Variants in DAB1 observed in about 807,000 individuals in gnomAD.
DAB1 encodes the protein disabled homolog 1.
A neutral mutation model predicts 64.6 loss-of-function variants in DAB1; 15 were observed. That is an observed-to-expected ratio of 0.23 (90% CI 0.16 to 0.36). The LOEUF is 0.36. Among genes scored for constraint, DAB1 ranks in the 10% least tolerant of loss-of-function variants. DAB1 has a pLI of 1.00. For synonymous variants in DAB1, 235 were observed against 251.9 expected (o/e 0.93, Z 0.64); for missense variants, 596 against 706.7 (o/e 0.84, Z 1.78).
intron 7 of DAB1, among the ~76,000 whole-genome samples, chr1:57,493,797 G>A (rs963062299): frequency 2.9e-5 from 4 of 138,236 alleles, no homozygotes; most frequent in Non-Finnish European, 1.5e-5. Context: ...CACATTGACT[G>A]ACATTGCTTT....
intron 4 of DAB1, among the ~76,000 whole-genome samples, chr1:58,339,452 T>A (rs1402047776): frequency 6.6e-6 from 1 of 152,150 alleles, no homozygotes; most frequent in Admixed American, 6.5e-5. Flanking sequence ...TCATATTATG[T>A]TACAAGGTGA....
intron 5 of DAB1, among the ~76,000 whole-genome samples, chr1:58,084,137 A>G (rs770247594): frequency 6.6e-6 from 1 of 152,156 alleles, no homozygotes; most frequent in Non-Finnish European, 1.5e-5. Flanking sequence ...TAAAATCTTG[A>G]GCTTTTTAAA....
chr1:58,039,362 C>T (rs984701332), intron 5 of DAB1, among the ~76,000 whole-genome samples: 42 of 152,118 alleles, frequency 2.8e-4, no homozygotes, highest in Admixed American at 9.2e-4. Context: ...TTCCTTCCCA[C>T]AGAAACCACA....
chr1:57,078,740 T>C (rs6677976), intron 4 of DAB1, among the ~76,000 whole-genome samples: 1,931 of 152,252 alleles, frequency 0.013, 32 homozygotes, highest in African/African-American at 0.044. Flanking sequence ...TTGGTGGAAG[T>C]GTGATTTGGT....
At chr1:57,314,306 A>C (rs1241942825) in intron 1 of DAB1, among the ~76,000 whole-genome samples, 1 of 152,222 alleles carries the variant, frequency 6.6e-6, no homozygotes, top group Non-Finnish European at 1.5e-5. Flanking sequence ...TTTTTGAAAA[A>C]CATCAAAATA....
At chr1:57,598,258 A>G (rs1185727325) in intron 7 of DAB1, among the ~76,000 whole-genome samples, 1 of 152,214 alleles carries the variant, frequency 6.6e-6, no homozygotes. Context: ...CTGGGATTAC[A>G]GGCGTGAGCC....
intron 1 of DAB1, among the ~76,000 whole-genome samples, chr1:57,418,355 G>A (rs12735312): frequency 0.013 from 1,985 of 152,324 alleles, 22 homozygotes; most frequent in African/African-American, 0.021. Context: ...GAAAGACAGA[G>A]ACAGAGAAAG....
intron 4 of DAB1, among the ~76,000 whole-genome samples, chr1:58,296,241 G>GA (rs1202873846): frequency 6.6e-6 from 1 of 150,758 alleles, no homozygotes; most frequent in Non-Finnish European, 1.5e-5. Context: ...AAGAAAGAAA[G>GA]AAAGAAAGAA....
At chr1:58,157,483 C>T (rs893358505) in intron 4 of DAB1, among the ~76,000 whole-genome samples, 2 of 152,186 alleles carry the variant, frequency 1.3e-5, no homozygotes, top group African/African-American at 4.8e-5. Flanking sequence ...TCTGTGGCTT[C>T]CTCATCTGTG....
At chr1:57,746,321 C>T (rs1341425948) in intron 6 of DAB1, among the ~76,000 whole-genome samples, 1 of 152,112 alleles carries the variant, frequency 6.6e-6, no homozygotes, top group Non-Finnish European at 1.5e-5. Flanking sequence ...TATATTTCTT[C>T]ATTTTTTTTC....
intron 5 of DAB1, among the ~76,000 whole-genome samples, chr1:58,008,915 G>A (rs1451998052): frequency 6.6e-6 from 1 of 152,134 alleles, no homozygotes; most frequent in Admixed American, 6.6e-5. Context: ...TCTGGTGCTT[G>A]CTCATTTTCA....
intron 5 of DAB1, among the ~76,000 whole-genome samples, chr1:58,135,583 T>C (rs986746559): frequency 4.6e-5 from 7 of 152,142 alleles, no homozygotes; most frequent in Admixed American, 3.3e-4. Context: ...CATGTGTAAG[T>C]TTGTTACCTG....
chr1:57,111,328 C>A (rs1383141047), intron 4 of DAB1, among the ~76,000 whole-genome samples: 2 of 152,132 alleles, frequency 1.3e-5, no homozygotes, highest in Non-Finnish European at 2.9e-5. Context: ...ACTCTTAGAG[C>A]CGGCTGTAAC....
At chr1:57,823,295 A>AAAAAG (rs1652204296), downstream of DAB1, among the ~76,000 whole-genome samples, 1 of 152,078 alleles carries the variant, frequency 6.6e-6, no homozygotes, top group South Asian at 2.1e-4. Flanking sequence ...AAAAATTTTT[A>AAAAAG]AAAAGAAAAG....
chr1:58,059,028 G>T (rs1648323788), intron 5 of DAB1, among the ~76,000 whole-genome samples: 1 of 152,222 alleles, frequency 6.6e-6, no homozygotes, highest in South Asian at 2.1e-4. Flanking sequence ...ACAGAGGAAA[G>T]TGAGGACTGT....
intron 6 of DAB1, among the ~76,000 whole-genome samples, chr1:57,703,895 A>G (rs1401980529): frequency 6.6e-6 from 1 of 152,188 alleles, no homozygotes; most frequent in Non-Finnish European, 1.5e-5. Context: ...AGGGAGACGG[A>G]TGGAACTGGA....
rs17116325 is a variant in DAB1, at chr1:57,815,510, T to C, written n.551+68489A>G. ...CTTTTTTCGCTTATATATCTGTATG[T>C]AGGTATTAAATTGTGATGCTAAATG... On this transcript the variant is annotated intron_variant and non_coding_transcript_variant, in intron 6 of 20. Coordinates refer to the DAB1 transcript ENST00000485760. Among the ~76,000 whole-genome samples the C allele has an allele frequency of 9.5e-3, 1,444 of 152,262 alleles. 19 individuals are homozygous for C. Among genetic ancestry groups the C allele is most frequent in the African/African-American group, 0.034 (1,395 of 41,538 alleles).
At chr1:57,790,438 A>C (rs895355216) in intron 6 of DAB1, among the ~76,000 whole-genome samples, 1 of 152,150 alleles carries the variant, frequency 6.6e-6, no homozygotes, top group Non-Finnish European at 1.5e-5. Context: ...TGAGTTAATT[A>C]AACCTCTTTC....
At chr1:58,230,495 C>T (rs1033370311) in intron 4 of DAB1, among the ~76,000 whole-genome samples, 4 of 152,160 alleles carry the variant, frequency 2.6e-5, no homozygotes, top group African/African-American at 9.7e-5. Flanking sequence ...AAAAAACCCA[C>T]CTCTACAACA....
Sources: allele counts gnomAD v4.1 joint callset (sites outside exome capture counted in the v4.1 genomes callset), GRCh38; gene constraint gnomAD v4.1.1; transcripts MANE v1.5; gene names NCBI Gene and HGNC (gene_info 2026-07-23, HGNC 2026-07-21).